Variants in NNT observed in about 807,000 individuals in gnomAD.
NNT encodes nicotinamide nucleotide transhydrogenase.
In NNT, 50 loss-of-function variants were observed where a neutral mutation model predicts 104.8. The ratio of observed to expected loss-of-function variants is 0.48; its 90% CI spans 0.38 to 0.60. The LOEUF (loss-of-function observed/expected upper bound fraction) is 0.60. Among genes scored for constraint, NNT ranks in the 20% least tolerant of loss-of-function variants. The probability of loss-of-function intolerance (pLI) is 0.00; values close to 1 mark genes in which losing one functional copy is unlikely to be tolerated. For missense variants in NNT, 1,131 were observed against 1,330.7 expected (o/e 0.85, Z 2.33); for synonymous variants, 461 against 490.4 (o/e 0.94, Z 0.79).
chr5:43,650,877 G>A (rs564011095), intron 12 of NNT, among the ~76,000 whole-genome samples: 3 of 152,240 alleles, frequency 2.0e-5, no homozygotes, highest in East Asian at 3.9e-4. Flanking sequence ...AGCTATCACC[G>A]TAACATCTAT....
Position 43,628,384 on chromosome 5 carries a change from C to T in NNT, c.961C>T (p.Pro321Ser). 6.3e-7 allele frequency: 1 copy of T among 1,579,754 alleles called. No individual in the cohort carries two copies. Among genetic ancestry groups the T allele is most frequent in the Non-Finnish European group, 8.6e-7 (1 of 1,164,388 alleles). ...VDILISTALI[P>S]GKKAPVLFNK... ...CATCCTTATCAGCACAGCACTTATT[C>T]CAGGTATGCCATTAAGTAAACGGTT... The change falls in exon 7 of 22, where the codon CCA (proline) becomes TCA (serine). Residue 321 changes from proline (P) to serine (S), a missense_variant. Coordinates refer to ENST00000344920, the MANE Select transcript of NNT (RefSeq NM_182977.3).
intron 19 of NNT, 137 bp from the exon 20 acceptor site, chr5:43,699,982 A>T (rs1198147067): frequency 4.9e-6 from 3 of 610,120 alleles, no homozygotes; most frequent in Non-Finnish European, 5.9e-6. Flanking sequence ...CTGCTGTTTC[A>T]TTCTGTAGAG....
chr5:43,693,663 G>A (rs930349481), intron 19 of NNT, among the ~76,000 whole-genome samples: 7 of 152,084 alleles, frequency 4.6e-5, no homozygotes, highest in South Asian at 2.1e-4. Context: ...CATTAGGATA[G>A]CAATGTTTGG....
chr5:43,613,150 T>C lies in NNT; in HGVS notation c.381+13T>C. On this transcript the variant is annotated intron_variant, in intron 3 of 21. Coordinates refer to ENST00000344920, the MANE Select transcript of NNT (RefSeq NM_182977.3). ...TTTGGTGGTCAAAGTAATTATTCCT[T>C]TTTCCTCTCCCATTTACAGCATGCT... is the stretch of plus-strand genomic sequence containing the variant. 2 of 1,594,522 alleles carry C rather than the reference T, an allele frequency of 1.3e-6. No individual in the cohort carries two copies. Among genetic ancestry groups the C allele is most frequent in the Non-Finnish European group, 1.7e-6 (2 of 1,164,582 alleles).
intron 19 of NNT, among the ~76,000 whole-genome samples, chr5:43,698,391 T>C (rs533531738): frequency 6.6e-6 from 1 of 152,200 alleles, no homozygotes; most frequent in South Asian, 2.1e-4. Flanking sequence ...CTCAAAGATG[T>C]TCATGTTAGG....
intron 2 of NNT, among the ~76,000 whole-genome samples, chr5:43,610,012 TAC>T (rs1424234354): frequency 1.3e-5 from 2 of 152,154 alleles, no homozygotes; most frequent in African/African-American, 2.4e-5. Context: ...TTTTAAAATG[TAC>T]AGTCATGTCA....
At chr5:43,644,381 G>A in intron 8 of NNT, 56 bp downstream of exon 8, 1 of 1,566,944 alleles carries the variant, frequency 6.4e-7, no homozygotes, top group East Asian at 2.3e-5. Flanking sequence ...GAGTTATGGG[G>A]GGGTGTTTAT....
intron 21 of NNT, 60 bp downstream of exon 21, chr5:43,702,796 A>G (rs965324316): frequency 1.7e-6 from 2 of 1,207,426 alleles, no homozygotes; most frequent in Non-Finnish European, 1.2e-6. Context: ...ATATACACAC[A>G]GAACTTTCTT....
intron 7 of NNT, among the ~76,000 whole-genome samples, chr5:43,634,269 A>C (rs1647892305): frequency 6.6e-6 from 1 of 152,178 alleles, no homozygotes; most frequent in South Asian, 2.1e-4. Flanking sequence ...TGTCTTGTTA[A>C]ATTTATCTTT....
chr5:43,618,907 A>T, intron 4 of NNT, 125 bp from the exon 5 acceptor site: 1 of 474,434 alleles, frequency 2.1e-6, no homozygotes, highest in East Asian at 3.6e-5. Context: ...GACACATAGT[A>T]CATACTACAT....
intron 17 of NNT, 28 bp downstream of exon 17, chr5:43,659,378 A>G (rs1313617894): frequency 6.4e-7 from 1 of 1,553,156 alleles, no homozygotes; most frequent in Admixed American, 1.9e-5. Context: ...CATGAAACAA[A>G]AGGAAATGGC....
At chr5:43,668,749 A>G (rs1740864290) in intron 17 of NNT, among the ~76,000 whole-genome samples, 1 of 152,114 alleles carries the variant, frequency 6.6e-6, no homozygotes, top group African/African-American at 2.4e-5. Flanking sequence ...CTTAGGATTG[A>G]CCTGGCAATG....
rs553758616 is a variant in NNT, at chr5:43,686,109, C to CT, written c.2876+8310dup. 3.4e-4 allele frequency among the ~76,000 whole-genome samples: 52 copies of CT among 152,092 alleles called. No homozygotes were observed. The South Asian group carries it at 5.6e-3, about 16-fold the overall frequency. On this transcript the variant is annotated intron_variant, in intron 19 of 21. Coordinates refer to ENST00000344920, the MANE Select transcript of NNT (RefSeq NM_182977.3). Reference sequence around the variant, plus strand: ...TGTTTCATTTGAGTAGATTATTCTACTTTTTTTGAACTGTGCCTGGGTCTA... The same window carrying CT: ...TGTTTCATTTGAGTAGATTATTCTACTTTTTTTTGAACTGTGCCTGGGTCTA...
chr5:43,617,349 G>A (rs1479660471), intron 4 of NNT, among the ~76,000 whole-genome samples: 1 of 152,202 alleles, frequency 6.6e-6, no homozygotes, highest in African/African-American at 2.4e-5. Context: ...GAGTATGGCA[G>A]GATTGTGCAG....
chr5:43,682,367 C>T (rs1169704300), intron 19 of NNT, among the ~76,000 whole-genome samples: 3 of 151,120 alleles, frequency 2.0e-5, no homozygotes, highest in African/African-American at 4.8e-5. Flanking sequence ...TGCGCCACCA[C>T]GCCTGACTAA....
At chr5:43,672,695 C>A (rs950405857) in intron 17 of NNT, among the ~76,000 whole-genome samples, 1 of 152,232 alleles carries the variant, frequency 6.6e-6, no homozygotes, top group East Asian at 1.9e-4. Flanking sequence ...TCTGCCCCTA[C>A]TGGAGGGTGC....
chr5:43,646,619 G>T (rs1189401810), intron 10 of NNT, among the ~76,000 whole-genome samples: 2 of 152,082 alleles, frequency 1.3e-5, no homozygotes, highest in Non-Finnish European at 2.9e-5. Flanking sequence ...ATGCCATATT[G>T]TGCTGGTGTT....
At chr5:43,656,900 T>A in intron 16 of NNT, 87 bp downstream of exon 16, 4 of 1,244,586 alleles carry the variant, frequency 3.2e-6, no homozygotes, top group Non-Finnish European at 3.3e-6. Flanking sequence ...TTTTTATCTC[T>A]TCAAGAACCT....
At chr5:43,623,437 C>G (rs960592031) in intron 5 of NNT, among the ~76,000 whole-genome samples, 8 of 152,124 alleles carry the variant, frequency 5.3e-5, no homozygotes, top group African/African-American at 9.7e-5. Context: ...CTGATCCTTC[C>G]ATGATTAGGG....
Sources: gnomAD v4.1 joint callset for allele counts (sites outside exome capture counted in the v4.1 genomes callset) on GRCh38, gnomAD v4.1.1 for gene constraint, MANE v1.5 for transcripts, NCBI Gene and HGNC (gene_info 2026-07-23, HGNC 2026-07-21) for gene names.